The following KCNK2 variants were observed in gnomAD, a reference collection of about 807,000 sequenced individuals.
KCNK2 encodes potassium channel subfamily K member 2.
Under a neutral mutation model 40.5 loss-of-function variants are expected in KCNK2, and 21 were observed. That is an observed-to-expected ratio of 0.52 (90% CI 0.37 to 0.75). The LOEUF (loss-of-function observed/expected upper bound fraction) is 0.75. Ranked by LOEUF, KCNK2 falls within the 30% of genes least tolerant of loss-of-function variation. KCNK2 has a pLI of 0.00. For synonymous variants in KCNK2, 191 were observed against 202.2 expected (o/e 0.94, Z 0.47); for missense variants, 399 against 531.6 (o/e 0.75, Z 2.45).
intron 2 of KCNK2, among the ~76,000 whole-genome samples, chr1:215,090,816 G>C (rs913741878): frequency 2.0e-5 from 3 of 152,160 alleles, no homozygotes; most frequent in African/African-American, 7.2e-5. Flanking sequence ...GACATGTTTG[G>C]ACAAGGTCAT....
intron 2 of KCNK2, among the ~76,000 whole-genome samples, chr1:215,115,603 A>T (rs1474020446): frequency 6.6e-6 from 1 of 152,182 alleles, no homozygotes; most frequent in South Asian, 2.1e-4. Flanking sequence ...GCCTAGATAA[A>T]TATCTTACTG....
chr1:215,036,066 T>C (rs922873203), intron 1 of KCNK2, among the ~76,000 whole-genome samples: 4 of 151,880 alleles, frequency 2.6e-5, no homozygotes, highest in Non-Finnish European at 5.9e-5. Context: ...TTTTTATGGT[T>C]AGTGCTCTCT....
chr1:215,022,612 C>T (rs1202379255), intron 1 of KCNK2, among the ~76,000 whole-genome samples: 1 of 152,078 alleles, frequency 6.6e-6, no homozygotes, highest in Admixed American at 6.6e-5. Context: ...AAATGCACTC[C>T]CTTACTAAGT....
intron 2 of KCNK2, among the ~76,000 whole-genome samples, chr1:215,121,717 C>A (rs999489837): frequency 6.6e-6 from 1 of 152,114 alleles, no homozygotes; most frequent in African/African-American, 2.4e-5. Context: ...AAAGCAGAAA[C>A]ATATTAAAAT....
chr1:215,180,312 C>T (rs1003876455), intron 5 of KCNK2, among the ~76,000 whole-genome samples: 1 of 152,080 alleles, frequency 6.6e-6, no homozygotes, highest in Non-Finnish European at 1.5e-5. Flanking sequence ...GTGTTTCCAA[C>T]TTGTCCCTCT....
At chr1:215,204,727 G>C (rs1665240891) in intron 6 of KCNK2, among the ~76,000 whole-genome samples, 1 of 152,134 alleles carries the variant, frequency 6.6e-6, no homozygotes, top group Non-Finnish European at 1.5e-5. Context: ...TTCAAACATA[G>C]ATCAAAATGA....
At chr1:215,096,283 C>T (rs1659973460) in intron 2 of KCNK2, among the ~76,000 whole-genome samples, 2 of 151,688 alleles carry the variant, frequency 1.3e-5, no homozygotes, top group South Asian at 4.2e-4. Context: ...ATTTTGCTGT[C>T]TCCATTTTTC....
intron 1 of KCNK2, among the ~76,000 whole-genome samples, chr1:215,059,106 C>T (rs1658277688): frequency 6.8e-6 from 1 of 147,610 alleles, no homozygotes; most frequent in African/African-American, 2.5e-5. Context: ...TATATATACA[C>T]ACACATACAT....
rs116314922 is a variant in KCNK2, at chr1:215,050,899, G to A, written c.35-35469G>A. 2.0e-3 allele frequency among the ~76,000 whole-genome samples: 300 copies of A among 152,192 alleles called. 1 individual carries two copies. The highest frequency in any genetic ancestry group is 6.6e-3 in the African/African-American group (276 of 41,544). ...TAGCTCCCGGCATCATTACACTATG[G>A]GGAACTGTGGGATGTCACAGTAATA... is the stretch of plus-strand genomic sequence containing the variant. On this transcript the variant is annotated intron_variant, in intron 1 of 6. Transcript: ENST00000391895.
chr1:215,093,308 A>G (rs1048103793), intron 2 of KCNK2, among the ~76,000 whole-genome samples: 1 of 145,888 alleles, frequency 6.9e-6, no homozygotes, highest in African/African-American at 2.5e-5. Flanking sequence ...GGCCATTTAA[A>G]AGAAACATGA....
chr1:215,148,234 C>T (rs1241916007), intron 3 of KCNK2, among the ~76,000 whole-genome samples: 1 of 151,202 alleles, frequency 6.6e-6, no homozygotes, highest in Non-Finnish European at 1.5e-5. Context: ...TGCATACCAC[C>T]ACACCTGGCT....
chr1:215,196,482 A>C (rs1261073134), intron 6 of KCNK2, among the ~76,000 whole-genome samples: 1 of 152,196 alleles, frequency 6.6e-6, no homozygotes, highest in East Asian at 1.9e-4. Context: ...CATATTTCCT[A>C]ATTGGGAATT....
At chr1:215,117,142 G>T (rs1406248170) in intron 2 of KCNK2, among the ~76,000 whole-genome samples, 1 of 151,748 alleles carries the variant, frequency 6.6e-6, no homozygotes, top group Non-Finnish European at 1.5e-5. Context: ...AATAAAACAA[G>T]TACCATGTCC....
chr1:215,138,780 T>C (rs931006993), intron 3 of KCNK2, among the ~76,000 whole-genome samples: 2 of 152,172 alleles, frequency 1.3e-5, no homozygotes, highest in Non-Finnish European at 2.9e-5. Flanking sequence ...AGTAATAGCA[T>C]AGACTTGATT....
chr1:215,083,217 T>TCCCCC lies in KCNK2; in HGVS notation c.-167_-166insCCCCC. The TCCCCC allele has an allele frequency of 1.8e-6, 1 of 556,644 alleles. No homozygotes were observed. Among genetic ancestry groups the TCCCCC allele is most frequent in the Non-Finnish European group, 2.7e-6 (1 of 375,924 alleles). 34.5% of individuals were successfully genotyped at this position (556,644 alleles called of 1,614,324 possible). ...GCTCCCCCCCCCGCCCCCTCCCGCG[T>TCCCCC]CCAGCCCCGCTCTCCCCACCTTGTA... On this transcript the variant is annotated 5_prime_UTR_variant, in exon 1 of 7. Transcript: ENST00000444842.
intron 1 of KCNK2, among the ~76,000 whole-genome samples, chr1:215,036,276 C>G (rs1044431734): frequency 6.6e-6 from 1 of 151,620 alleles, no homozygotes; most frequent in African/African-American, 2.4e-5. Flanking sequence ...GTTGTTCCAG[C>G]ACTATTTGTT....
chr1:215,145,575 T>A (rs1662379181), intron 3 of KCNK2, among the ~76,000 whole-genome samples: 1 of 152,222 alleles, frequency 6.6e-6, no homozygotes, highest in South Asian at 2.1e-4. Context: ...ATATGTTATG[T>A]CTAATGTGTT....
chr1:215,074,749 G>A (rs1658870715), intron 1 of KCNK2, among the ~76,000 whole-genome samples: 1 of 152,160 alleles, frequency 6.6e-6, no homozygotes, highest in African/African-American at 2.4e-5. Flanking sequence ...GTTGGTGGAG[G>A]ATTGTCGGTG....
At chr1:215,221,310 G>T (rs571132710) in intron 6 of KCNK2, among the ~76,000 whole-genome samples, 62 of 152,250 alleles carry the variant, frequency 4.1e-4, no homozygotes, top group African/African-American at 1.3e-3. Context: ...GGAAGCGGAG[G>T]TTGCAGTGAG....
Sources: gnomAD v4.1 joint callset for allele counts (sites outside exome capture counted in the v4.1 genomes callset) on GRCh38, gnomAD v4.1.1 for gene constraint, MANE v1.5 for transcripts, NCBI Gene and HGNC (gene_info 2026-07-23, HGNC 2026-07-21) for gene names.